Variants in GPHN observed in about 807,000 individuals in gnomAD.
GPHN encodes gephyrin.
A neutral mutation model predicts 95.5 loss-of-function variants in GPHN; 17 were observed. The observed-to-expected ratio is 0.18, with a 90% CI of 0.12 to 0.27. The LOEUF (loss-of-function observed/expected upper bound fraction) is 0.27, where lower values mean the gene tolerates loss of function less well. Among genes scored for constraint, GPHN ranks in the 10% least tolerant of loss-of-function variants. The pLI, the probability that GPHN is intolerant of heterozygous loss-of-function variation, is 1.00. For missense variants in GPHN, 660 were observed against 978.1 expected, an observed-to-expected ratio of 0.67 and a Z score of 4.34; for synonymous variants, 320 against 322.5, an observed-to-expected ratio of 0.99 and a Z score of 0.08.
rs754815909 is a variant in GPHN at position 66,590,739 on chromosome 14, G to C, written c.64+82148G>C. ...CTACCAGAAGTACAAAGAGGAGCTG[G>C]TACCATTCCTTCTGAAACTGTTCCA... is the stretch of plus-strand genomic sequence containing the variant. On this transcript the variant is annotated intron_variant, in intron 1 of 22. Coordinates refer to ENST00000478722, the MANE Select transcript of GPHN (RefSeq NM_020806.5). Among the ~76,000 whole-genome samples the C allele has an allele frequency of 8.9e-4, 135 of 152,258 alleles. 1 individual carries two copies. The highest frequency in any genetic ancestry group is 1.3e-3 in the Non-Finnish European group (89 of 68,022).
intron 11 of GPHN, among the ~76,000 whole-genome samples, chr14:67,084,392 C>G (rs1297050026): frequency 6.6e-6 from 1 of 152,202 alleles, no homozygotes; most frequent in East Asian, 1.9e-4. Context: ...ACGCCCCCCT[C>G]TCCTACCTGG....
chr14:66,910,472 ATGGAAAAT>A (rs1448586155), intron 5 of GPHN, among the ~76,000 whole-genome samples: 1 of 151,968 alleles, frequency 6.6e-6, no homozygotes, highest in Non-Finnish European at 1.5e-5. Flanking sequence ...TACAAACACT[ATGGAAAAT>A]TACTTTTATA....
At chr14:66,638,035 C>A (rs1045829553) in intron 1 of GPHN, among the ~76,000 whole-genome samples, 10 of 152,012 alleles carry the variant, frequency 6.6e-5, no homozygotes, top group Admixed American at 5.2e-4. Flanking sequence ...TTTATATTTA[C>A]CACCTGGATC....
In GPHN at chr14:67,116,093, G is replaced by A. The variant is rs114751496; in HGVS notation, c.1626+2922G>A. On this transcript the variant is annotated intron_variant, in intron 16 of 22. Coordinates refer to ENST00000478722, the MANE Select transcript of GPHN (RefSeq NM_020806.5). ...GAGATGGGTAGATCACTTGAGGCTAGGAGTTTGAGACCAGCCTGGGCAACA... is the reference window on the plus strand; with the variant it reads ...GAGATGGGTAGATCACTTGAGGCTAAGAGTTTGAGACCAGCCTGGGCAACA... Among the ~76,000 whole-genome samples the A allele has an allele frequency of 7.5e-3, 1,147 of 152,126 alleles. 6 individuals carry two copies. Among genetic ancestry groups the A allele is most frequent in the African/African-American group, 0.026 (1,086 of 41,502 alleles).
At chr14:66,756,732 T>G (rs963504838) in intron 2 of GPHN, among the ~76,000 whole-genome samples, 1 of 152,226 alleles carries the variant, frequency 6.6e-6, no homozygotes, top group Non-Finnish European at 1.5e-5. Context: ...AAGATACATA[T>G]AATTGTCATA....
chr14:67,285,042 C>T, the GPHN span, among the ~76,000 whole-genome samples: 1 of 152,084 alleles, frequency 6.6e-6, no homozygotes, highest in Non-Finnish European at 1.5e-5. Context: ...TGAGCCACCA[C>T]AATTTTAATT....
At chr14:67,115,665 G>A (rs898481810) in intron 16 of GPHN, among the ~76,000 whole-genome samples, 4 of 152,006 alleles carry the variant, frequency 2.6e-5, no homozygotes, top group Non-Finnish European at 5.9e-5. Context: ...AACCCGGGAG[G>A]CGGAGGTTGC....
chr14:67,679,796 T>C, the GPHN span, among the ~76,000 whole-genome samples: 1 of 152,220 alleles, frequency 6.6e-6, no homozygotes, highest in African/African-American at 2.4e-5. Flanking sequence ...GGATCTGGTA[T>C]ACATCTGGTA....
At chr14:67,693,009 G>A in the GPHN span, 1 of 1,614,066 alleles carries the variant, frequency 6.2e-7, no homozygotes, top group Non-Finnish European at 8.5e-7. Context: ...ACTTTCCCAG[G>A]AAGCTGAACA....
chr14:67,462,657 A>C, the GPHN span, among the ~76,000 whole-genome samples: 1 of 152,368 alleles, frequency 6.6e-6, no homozygotes, highest in African/African-American at 2.4e-5. Context: ...AAAGAAATTT[A>C]CTGGAAAGCT....
At chr14:66,851,922 A>G (rs887292168) in intron 4 of GPHN, among the ~76,000 whole-genome samples, 10 of 152,282 alleles carry the variant, frequency 6.6e-5, no homozygotes, top group African/African-American at 2.4e-4. Flanking sequence ...AGAAGTAGAC[A>G]GTGTAGGTGG....
chr14:67,171,989 T>C (rs1273941091), intron 21 of GPHN, among the ~76,000 whole-genome samples: 2 of 151,978 alleles, frequency 1.3e-5, no homozygotes, highest in African/African-American at 4.8e-5. Flanking sequence ...CTGCCTGGAG[T>C]CCACAGAGCT....
At chr14:66,973,236 T>G (rs1272006595) in intron 9 of GPHN, among the ~76,000 whole-genome samples, 1 of 152,154 alleles carries the variant, frequency 6.6e-6, no homozygotes, top group Non-Finnish European at 1.5e-5. Flanking sequence ...TTAAGCATTA[T>G]AAATAGTTTA....
At chr14:66,565,972 T>TG in intron 1 of GPHN, among the ~76,000 whole-genome samples, 1 of 151,924 alleles carries the variant, frequency 6.6e-6, no homozygotes, top group East Asian at 1.9e-4. Context: ...AAAATTCTTT[T>TG]TTTTTTTTGC....
chr14:67,522,911 C>T, the GPHN span, among the ~76,000 whole-genome samples: 1 of 152,366 alleles, frequency 6.6e-6, no homozygotes, highest in Non-Finnish European at 1.5e-5. Context: ...ATCCCAGAGA[C>T]TCTATCTTGT....
At chr14:66,744,457 A>C (rs1434425000) in intron 2 of GPHN, among the ~76,000 whole-genome samples, 3 of 152,332 alleles carry the variant, frequency 2.0e-5, no homozygotes, top group Middle Eastern at 3.4e-3. Context: ...TTTGTATATG[A>C]GAATGAGTTC....
At chr14:66,908,153 CCATTTGG>C (rs2065478054) in intron 5 of GPHN, among the ~76,000 whole-genome samples, 1 of 151,616 alleles carries the variant, frequency 6.6e-6, no homozygotes, top group Admixed American at 6.6e-5. Context: ...GTTTTTATTA[CCATTTGG>C]CAATAAAAGG....
At chr14:67,525,722 A>G in the GPHN span, among the ~76,000 whole-genome samples, 2 of 152,206 alleles carry the variant, frequency 1.3e-5, no homozygotes, top group African/African-American at 2.4e-5. Context: ...GGGAAAATAT[A>G]TTTACAGAAA....
chr14:66,723,675 A>G (rs2070962496), intron 2 of GPHN, among the ~76,000 whole-genome samples: 1 of 152,174 alleles, frequency 6.6e-6, no homozygotes, highest in Admixed American at 6.5e-5. Flanking sequence ...TGGTAGAGAT[A>G]GCATAAGTTT....
Sources: gnomAD v4.1 joint callset for allele counts (sites outside exome capture counted in the v4.1 genomes callset) on GRCh38, gnomAD v4.1.1 for gene constraint, MANE v1.5 for transcripts, NCBI Gene and HGNC (gene_info 2026-07-23, HGNC 2026-07-21) for gene names.